The following CLIC5 variants were observed in gnomAD, a reference collection of about 807,000 sequenced individuals.
CLIC5 encodes chloride intracellular channel protein 5.
A neutral mutation model predicts 24.7 loss-of-function variants in CLIC5; 20 were observed. That is an observed-to-expected ratio of 0.81 (90% CI 0.57 to 1.18). CLIC5 has a LOEUF of 1.18. CLIC5 is among the 50% of genes most tolerant of loss of function. CLIC5 has a pLI of 0.00. For synonymous variants in CLIC5, 159 were observed against 135.6 expected, an observed-to-expected ratio of 1.17 and a Z score of -1.20; for missense variants, 341 against 326.1, an observed-to-expected ratio of 1.05 and a Z score of -0.35.
At chr6:45,912,290 T>G in intron 5 of CLIC5, 1 of 1,002,366 alleles carries the variant, frequency 1.0e-6, no homozygotes, top group Non-Finnish European at 1.2e-6. Flanking sequence ...GCCTTTGTTC[T>G]TTCATTGGCC....
intron 1 of CLIC5, among the ~76,000 whole-genome samples, chr6:46,034,802 C>T (rs561662011): frequency 2.0e-5 from 3 of 152,138 alleles, no homozygotes; most frequent in Non-Finnish European, 4.4e-5. Flanking sequence ...AAGGAGCCTC[C>T]AGCTGACAGA....
intron 1 of CLIC5, among the ~76,000 whole-genome samples, chr6:46,072,705 C>T (rs1343756184): frequency 1.3e-5 from 2 of 152,062 alleles, no homozygotes; most frequent in Non-Finnish European, 2.9e-5. Context: ...AAGGTTTCTT[C>T]CCATGGTTCC....
chr6:45,882,741 T>G (rs1437545947), intron 6 of CLIC5, among the ~76,000 whole-genome samples: 1 of 152,212 alleles, frequency 6.6e-6, no homozygotes, highest in Non-Finnish European at 1.5e-5. Flanking sequence ...ATACAAAAAT[T>G]AATGGTATAT....
intron 1 of CLIC5, among the ~76,000 whole-genome samples, chr6:45,991,373 T>C (rs562903209): frequency 6.6e-6 from 1 of 152,172 alleles, no homozygotes; most frequent in Non-Finnish European, 1.5e-5. Context: ...GCTGAGGGCC[T>C]CAATCCTAAA....
intron 1 of CLIC5, among the ~76,000 whole-genome samples, chr6:45,971,380 AT>A (rs1388953759): frequency 6.6e-6 from 1 of 152,168 alleles, no homozygotes; most frequent in Non-Finnish European, 1.5e-5. Context: ...TTTTAAAAAA[AT>A]TTTATTATGG....
chr6:46,076,931 A>T (rs979753909), intron 1 of CLIC5, among the ~76,000 whole-genome samples: 11 of 152,172 alleles, frequency 7.2e-5, no homozygotes, highest in African/African-American at 2.4e-4. Flanking sequence ...GAAGTCAAGA[A>T]ATCGAGACCA....
At chr6:45,932,541 G>A (rs576672816) in intron 4 of CLIC5, among the ~76,000 whole-genome samples, 1 of 152,366 alleles carries the variant, frequency 6.6e-6, no homozygotes, top group Non-Finnish European at 1.5e-5. Flanking sequence ...AGGGAAGGAA[G>A]CACTGTGACC....
chr6:45,981,616 G>A (rs558412322), intron 1 of CLIC5, among the ~76,000 whole-genome samples: 6 of 152,336 alleles, frequency 3.9e-5, no homozygotes, highest in African/African-American at 1.2e-4. Flanking sequence ...CCAGGCCTAG[G>A]TGGGAGGAAA....
intron 5 of CLIC5, among the ~76,000 whole-genome samples, chr6:45,908,794 T>A (rs1762731894): frequency 6.6e-6 from 1 of 152,222 alleles, no homozygotes; most frequent in Admixed American, 6.5e-5. Context: ...TGTCCAATTG[T>A]CAAGTGTTGA....
the CLIC5 span, among the ~76,000 whole-genome samples, chr6:46,116,209 G>A: frequency 6.6e-6 from 1 of 150,786 alleles, no homozygotes; most frequent in South Asian, 2.1e-4. Flanking sequence ...ACAGAGTCTG[G>A]AAGCAGCTTT....
intron 1 of CLIC5, among the ~76,000 whole-genome samples, chr6:45,970,833 C>G (rs1363715261): frequency 1.3e-5 from 2 of 152,170 alleles, no homozygotes; most frequent in East Asian, 1.9e-4. Flanking sequence ...GCACCCTTAC[C>G]TATGAAATGA....
chr6:46,073,196 C>T (rs1203965456), intron 1 of CLIC5, among the ~76,000 whole-genome samples: 1 of 152,132 alleles, frequency 6.6e-6, no homozygotes, highest in African/African-American at 2.4e-5. Flanking sequence ...GATTGTGTTC[C>T]CAGCACTCTA....
intron 1 of CLIC5, among the ~76,000 whole-genome samples, chr6:45,965,353 C>G (rs973209623): frequency 3.9e-5 from 6 of 152,114 alleles, no homozygotes; most frequent in Admixed American, 6.5e-5. Flanking sequence ...TCAAGTAGTT[C>G]AAGAGTCAAA....
At chr6:45,990,517 G>A (rs79803485) in intron 1 of CLIC5, among the ~76,000 whole-genome samples, 2,997 of 152,286 alleles carry the variant, frequency 0.02, 83 homozygotes, top group African/African-American at 0.066. Flanking sequence ...TAAATGTGTA[G>A]CATCACACAA....
chr6:45,978,385 C>T (rs1340190656), intron 1 of CLIC5, among the ~76,000 whole-genome samples: 1 of 151,988 alleles, frequency 6.6e-6, no homozygotes, highest in East Asian at 1.9e-4. Flanking sequence ...CGTAAGCTTT[C>T]CAATAAAAAT....
At chr6:46,085,307 T>C (rs1331605694), upstream of CLIC5, among the ~76,000 whole-genome samples, 2 of 152,262 alleles carry the variant, frequency 1.3e-5, no homozygotes, top group African/African-American at 4.8e-5. Flanking sequence ...CTTTTTTCCA[T>C]TGCTGCTGAG....
At chr6:46,045,437 G>A (rs1767927592) in intron 1 of CLIC5, among the ~76,000 whole-genome samples, 1 of 152,096 alleles carries the variant, frequency 6.6e-6, no homozygotes, top group Non-Finnish European at 1.5e-5. Context: ...ACCCTGGATT[G>A]ACTCAGAGTA....
chr6:45,929,689 T>C lies in CLIC5; in HGVS notation c.406+11858A>G, dbSNP rs140682500. Among the ~76,000 whole-genome samples, 12 of 152,294 alleles carry C rather than the reference T, an allele frequency of 7.9e-5. No homozygotes were observed. The East Asian group carries it at 1.9e-3, about 25-fold the overall frequency. On this transcript the variant is annotated intron_variant, in intron 4 of 5. Transcript: ENST00000339561. Reference sequence around the variant, plus strand: ...GACCACCCAGGAGCCTTCACCAAGATGGCCTGATAACAGCCCACCGTGGGG... The same window carrying C: ...GACCACCCAGGAGCCTTCACCAAGACGGCCTGATAACAGCCCACCGTGGGG...
At chr6:46,082,472 C>A (rs1440365730), upstream of CLIC5, among the ~76,000 whole-genome samples, 1 of 152,212 alleles carries the variant, frequency 6.6e-6, no homozygotes, top group Non-Finnish European at 1.5e-5. Context: ...AAAGTCCTTA[C>A]AACGGCCCAC....
Sources: allele counts gnomAD v4.1 joint callset (sites outside exome capture counted in the v4.1 genomes callset), GRCh38; gene constraint gnomAD v4.1.1; transcripts MANE v1.5; gene names NCBI Gene and HGNC (gene_info 2026-07-23, HGNC 2026-07-21).